The following BFSP1 variants were observed in gnomAD, a reference collection of about 807,000 sequenced individuals.
BFSP1 encodes beaded filament structural protein 1.
A neutral mutation model predicts 43.9 loss-of-function variants in BFSP1; 38 were observed. The observed-to-expected ratio is 0.87, with a 90% confidence interval of 0.67 to 1.14. BFSP1 has a LOEUF of 1.14. Ranked by LOEUF, BFSP1 falls within the 50% of genes most tolerant of loss-of-function variation. The pLI, the probability that BFSP1 is intolerant of heterozygous loss-of-function variation, is 0.00. For missense variants in BFSP1, 850 were observed against 875.1 expected (o/e 0.97, Z 0.36); for synonymous variants, 352 against 354.8 (o/e 0.99, Z 0.09).
At chr20:17,509,920 G>A (rs2034035525) in intron 4 of BFSP1, among the ~76,000 whole-genome samples, 1 of 152,220 alleles carries the variant, frequency 6.6e-6, no homozygotes, top group Non-Finnish European at 1.5e-5. Flanking sequence ...CTGACACAGA[G>A]CACATTGACT....
intron 7 of BFSP1, 41 bp from the exon 8 acceptor site, chr20:17,495,070 C>A: frequency 6.5e-7 from 1 of 1,539,530 alleles, no homozygotes; most frequent in Non-Finnish European, 8.8e-7. Flanking sequence ...ATAATTGTCA[C>A]TGAGAGAGAA....
At chr20:17,547,451 A>T (rs1209997134) in intron 1 of BFSP1, among the ~76,000 whole-genome samples, 1 of 152,112 alleles carries the variant, frequency 6.6e-6, no homozygotes, top group Non-Finnish European at 1.5e-5. Context: ...GTGGATTGGA[A>T]TATTTGGGCC....
At chr20:17,536,324 G>A (rs1185687589), upstream of BFSP1, among the ~76,000 whole-genome samples, 1 of 152,160 alleles carries the variant, frequency 6.6e-6, no homozygotes, top group Non-Finnish European at 1.5e-5. Context: ...GCCAAGGCGG[G>A]TGGACTGCTT....
intron 1 of BFSP1, among the ~76,000 whole-genome samples, chr20:17,550,070 G>A (rs1016830565): frequency 2.6e-4 from 40 of 152,058 alleles, no homozygotes; most frequent in Admixed American, 2.2e-3. Flanking sequence ...AGTACCACTC[G>A]GGATTGCTTT....
chr20:17,555,511 G>C (rs1600685671), intron 1 of BFSP1, among the ~76,000 whole-genome samples: 1 of 152,100 alleles, frequency 6.6e-6, no homozygotes, highest in Middle Eastern at 3.4e-3. Context: ...AAATTAGCCA[G>C]GCATGGTGGC....
At chr20:17,513,763 G>A (rs1193165686) in intron 3 of BFSP1, among the ~76,000 whole-genome samples, 3 of 152,208 alleles carry the variant, frequency 2.0e-5, no homozygotes, top group African/African-American at 4.8e-5. Context: ...GAAACATGAC[G>A]GGTGGAGTGG....
chr20:17,518,984 C>T (rs1238054847), intron 2 of BFSP1, among the ~76,000 whole-genome samples: 1 of 152,146 alleles, frequency 6.6e-6, no homozygotes, highest in Non-Finnish European at 1.5e-5. Context: ...ATTCTCAGCC[C>T]CGGGGATGGG....
At position 17,494,948 on chromosome 20, in the gene BFSP1, T is replaced by C; in HGVS notation, c.1124A>G (p.Glu375Gly). ...GTTGGTTTTGTCTTTTGTTATAATC[T>C]CTTTTCTCCTTGGAACATTCTTGGG... ...ALPKNVPRRK[E>G]IITKDKTNGA... The change falls in exon 8 of 8, where the codon GAG (glutamate) becomes GGG (glycine). Residue 375 changes from glutamate to glycine, a missense_variant. Coordinates refer to ENST00000377873, the MANE Select transcript of BFSP1 (RefSeq NM_001195.5). 1 of 1,614,224 alleles carries C rather than the reference T, an allele frequency of 6.2e-7. No homozygotes were observed. Among genetic ancestry groups the C allele is most frequent in the East Asian group, 2.2e-5 (1 of 44,894 alleles).
intron 4 of BFSP1, 54 bp downstream of exon 4, chr20:17,511,922 C>G (rs951085643): frequency 1.8e-5 from 27 of 1,493,664 alleles, no homozygotes; most frequent in Middle Eastern, 2.0e-4. Context: ...CTGGGAGTCT[C>G]CAGGTACAGC....
intron 5 of BFSP1, among the ~76,000 whole-genome samples, chr20:17,499,713 G>A (rs2033749399): frequency 6.6e-6 from 1 of 152,142 alleles, no homozygotes; most frequent in African/African-American, 2.4e-5. Flanking sequence ...CTTGAGGTCA[G>A]GAGTTTGAGA....
intron 2 of BFSP1, among the ~76,000 whole-genome samples, chr20:17,521,105 G>A (rs889935298): frequency 4.6e-5 from 7 of 152,096 alleles, no homozygotes; most frequent in South Asian, 2.1e-4. Context: ...AACTTCATAC[G>A]TATATATTTG....
chr20:17,507,964 T>C lies in BFSP1; in HGVS notation c.735+925A>G, dbSNP rs904737379. Among the ~76,000 whole-genome samples the C allele has an allele frequency of 2.0e-4, 30 of 152,172 alleles. No individual in the cohort carries two copies. Among genetic ancestry groups the C allele is most frequent in the Middle Eastern group, 3.4e-3 (1 of 292 alleles). On this transcript the variant is annotated intron_variant, in intron 5 of 7. Transcript: ENST00000377873. This position sits in a 1 kb window ranked among gnomAD's most constrained non-coding sequence, Gnocchi z 4.4. ...CCCAAAATGAAATCCTGAGCAGACA[T>C]GGGGGCACTGGAAATCAATAAAAAG...
upstream of BFSP1, among the ~76,000 whole-genome samples, chr20:17,532,404 C>CA (rs531941557): frequency 0.079 from 4,822 of 60,694 alleles, 200 homozygotes; most frequent in African/African-American, 0.18. Context: ...GACTCCGTCT[C>CA]AAAAAAAAAA....
intron 1 of BFSP1, among the ~76,000 whole-genome samples, chr20:17,549,611 G>C (rs899614289): frequency 6.6e-6 from 1 of 152,176 alleles, no homozygotes; most frequent in African/African-American, 2.4e-5. Context: ...CAAGGAGGGT[G>C]AATCACTTGA....
intron 2 of BFSP1, among the ~76,000 whole-genome samples, chr20:17,519,579 T>C (rs1403861836): frequency 6.6e-6 from 1 of 152,218 alleles, no homozygotes; most frequent in Non-Finnish European, 1.5e-5. Flanking sequence ...AAGAGCTGAG[T>C]GCTAAGCCCT....
chr20:17,510,774 T>C (rs2034058886), intron 4 of BFSP1, among the ~76,000 whole-genome samples: 1 of 152,192 alleles, frequency 6.6e-6, no homozygotes, highest in Non-Finnish European at 1.5e-5. Flanking sequence ...GAGCATGGCC[T>C]GAGCACACAT....
At position 17,541,263 on chromosome 20, in the gene BFSP1, G is replaced by A. The variant is rs948388988; in HGVS notation, c.3-16355C>T. The A allele has an allele frequency of 8.1e-6, 8 of 982,308 alleles. No homozygotes were observed. The South Asian group carries it at 3.3e-4, about 41-fold the overall frequency. 60.8% of individuals were successfully genotyped at this position (982,308 alleles called of 1,614,324 possible). A position where few individuals can be genotyped will look rare whatever the true frequency, so the allele number is the denominator to read the frequency against. ...ACTTGAAATAAAAGATAAAGTTTTT[G>A]CATGTTGGGAGGTTTGTCATGAAAC... On this transcript the variant is annotated intron_variant, in intron 1 of 7. Transcript: ENST00000377868.
upstream of BFSP1, among the ~76,000 whole-genome samples, chr20:17,533,616 T>G (rs1393317668): frequency 6.6e-6 from 1 of 152,138 alleles, no homozygotes; most frequent in Non-Finnish European, 1.5e-5. Context: ...ATCTCATTGG[T>G]CAAAGCAAAT....
At chr20:17,541,201 TA>T (rs60295983) in intron 1 of BFSP1, 202,582 of 826,710 alleles carry the variant, frequency 0.25, 19,075 homozygotes, top group Non-Finnish European at 0.26. Flanking sequence ...ACCCTGTCTC[TA>T]AAAAAAAAAT....
Sources: allele counts gnomAD v4.1 joint callset (sites outside exome capture counted in the v4.1 genomes callset), GRCh38; gene constraint gnomAD v4.1.1; non-coding constraint Gnocchi (gnomAD v3.1); transcripts MANE v1.5; gene names NCBI Gene and HGNC (gene_info 2026-07-23, HGNC 2026-07-21).